The following NR1H4 variants were observed in gnomAD, a reference collection of about 807,000 sequenced individuals.
The protein encoded by NR1H4 is nuclear receptor subfamily 1 group H member 4, also known as bile acid receptor.
A neutral mutation model predicts 58.5 loss-of-function variants in NR1H4; 23 were observed. The observed-to-expected ratio is 0.39, with a 90% CI of 0.28 to 0.56. NR1H4 has a LOEUF of 0.56. Among genes scored for constraint, NR1H4 ranks in the 20% least tolerant of loss-of-function variants. The pLI, the probability that NR1H4 is intolerant of heterozygous loss-of-function variation, is 0.58. For missense variants in NR1H4, 487 were observed against 576.9 expected (o/e 0.84, Z 1.60); for synonymous variants, 214 against 198.0 (o/e 1.08, Z -0.68).
chr12:100,480,690 AC>A (rs1953360522), intron 1 of NR1H4, among the ~76,000 whole-genome samples: 1 of 152,150 alleles, frequency 6.6e-6, no homozygotes, highest in Non-Finnish European at 1.5e-5. Context: ...TGATTTCTAT[AC>A]CAGTCATTTA....
chr12:100,513,148 C>T (rs1471628694), intron 4 of NR1H4, among the ~76,000 whole-genome samples: 4 of 152,124 alleles, frequency 2.6e-5, no homozygotes, highest in East Asian at 3.8e-4. Context: ...CTTATACATT[C>T]GTTGGAAGCA....
At chr12:100,501,996 T>C (rs1264241443) in intron 3 of NR1H4, among the ~76,000 whole-genome samples, 4 of 152,216 alleles carry the variant, frequency 2.6e-5, no homozygotes. Context: ...GGATAAAATA[T>C]AGAATTATTC....
chr12:100,533,885 G>A (rs1954750674), intron 5 of NR1H4, among the ~76,000 whole-genome samples: 1 of 149,084 alleles, frequency 6.7e-6, no homozygotes. Flanking sequence ...ATTTTTAATA[G>A]CTCTCTTTTT....
intron 9 of NR1H4, among the ~76,000 whole-genome samples, chr12:100,557,695 T>A (rs1157776403): frequency 2.0e-5 from 3 of 152,234 alleles, no homozygotes; most frequent in African/African-American, 7.2e-5. Flanking sequence ...GTATTTGATT[T>A]TCTGCTTCTG....
chr12:100,508,124 T>G (rs1050791681), intron 3 of NR1H4, among the ~76,000 whole-genome samples: 2 of 151,966 alleles, frequency 1.3e-5, no homozygotes, highest in African/African-American at 2.4e-5. Flanking sequence ...AGAAACCTCT[T>G]CTGTTGGGAA....
intron 9 of NR1H4, among the ~76,000 whole-genome samples, chr12:100,553,147 T>C (rs575125015): frequency 1.8e-4 from 28 of 152,238 alleles, no homozygotes; most frequent in South Asian, 1.2e-3. Context: ...TACAGGCGCG[T>C]GCCACCACAC....
intron 1 of NR1H4, among the ~76,000 whole-genome samples, chr12:100,476,145 G>A (rs1221595295): frequency 6.6e-6 from 1 of 152,140 alleles, no homozygotes; most frequent in African/African-American, 2.4e-5. Context: ...ACTTGAGGGC[G>A]GGTCTTTCTG....
At chr12:100,502,545 C>T (rs1953858892) in intron 3 of NR1H4, among the ~76,000 whole-genome samples, 1 of 152,036 alleles carries the variant, frequency 6.6e-6, no homozygotes, top group African/African-American at 2.4e-5. Context: ...ATTGGATCTT[C>T]ATTTTAATTT....
chr12:100,492,827 A>C (rs564663227), intron 2 of NR1H4, among the ~76,000 whole-genome samples, 190 bp downstream of exon 2: 10 of 152,324 alleles, frequency 6.6e-5, no homozygotes, highest in Non-Finnish European at 1.5e-4. Flanking sequence ...AAATTCCAGT[A>C]GGAAGTGGCT....
chr12:100,500,299 A>G (rs918293954), intron 3 of NR1H4, among the ~76,000 whole-genome samples: 3 of 152,044 alleles, frequency 2.0e-5, no homozygotes, highest in Non-Finnish European at 4.4e-5. Flanking sequence ...GCCAACATTT[A>G]CTCTAGGACC....
At chr12:100,489,539 T>G (rs899940444) in intron 1 of NR1H4, among the ~76,000 whole-genome samples, 1 of 152,196 alleles carries the variant, frequency 6.6e-6, no homozygotes, top group Non-Finnish European at 1.5e-5. Context: ...CTTCTTTTGT[T>G]TTTTTTAACC....
chr12:100,520,296 T>C (rs1954381863), intron 4 of NR1H4, among the ~76,000 whole-genome samples: 1 of 152,110 alleles, frequency 6.6e-6, no homozygotes, highest in Non-Finnish European at 1.5e-5. Context: ...ATAAACAAGT[T>C]ACTTAATATT....
At position 100,564,264 on chromosome 12, in the gene NR1H4, CT is replaced by C. The variant is rs1241267332; in HGVS notation, c.*779del. 6.6e-6 allele frequency: 1 copy of C among 152,104 alleles called. No homozygotes were observed. Among genetic ancestry groups the C allele is most frequent in the Non-Finnish European group, 1.5e-5 (1 of 68,032 alleles). The allele number at this position is 152,104 out of a possible 1,614,324, so 9.4% of individuals were successfully genotyped here. A position where few individuals can be genotyped will look rare whatever the true frequency, so the allele number is the denominator to read the frequency against. On this transcript the variant is annotated 3_prime_UTR_variant, in exon 11 of 11. Transcript: ENST00000392986. ...CCAATCATCTTTCTGTTTTGTTTTGCTTTTGAAAACATTCCTACAGCTGGGA... is the reference window on the plus strand; with the variant it reads ...CCAATCATCTTTCTGTTTTGTTTTGCTTTGAAAACATTCCTACAGCTGGGA...
Position 100,545,666 on chromosome 12 carries a change from A to AC in NR1H4, c.1078+4848_1078+4849insC, listed in dbSNP as rs1311587798. Among the ~76,000 whole-genome samples, 575 of 145,652 alleles carry AC rather than the reference A, an allele frequency of 3.9e-3. 71 individuals are homozygous for AC. Among genetic ancestry groups the AC allele is most frequent in the Non-Finnish European group, 6.2e-3 (415 of 66,824 alleles). On this transcript the variant is annotated intron_variant, in intron 9 of 10. Coordinates refer to ENST00000392986, the MANE Select transcript of NR1H4 (RefSeq NM_001206979.2). ...CAAAAAAAAAAAAAAAAAAAAAAAA[A>AC]AAACCAAACGGGGGGCATATATGCG...
intron 5 of NR1H4, among the ~76,000 whole-genome samples, chr12:100,532,851 G>A (rs1315091825): frequency 6.6e-6 from 1 of 152,132 alleles, no homozygotes; most frequent in African/African-American, 2.4e-5. Context: ...TATACATGGA[G>A]CCCAGTGGCA....
chr12:100,504,528 G>T (rs1055283315), intron 3 of NR1H4, among the ~76,000 whole-genome samples: 28 of 152,182 alleles, frequency 1.8e-4, no homozygotes, highest in African/African-American at 6.8e-4. Flanking sequence ...ATAAAGAAAA[G>T]AATATAGTCT....
At chr12:100,505,486 C>T (rs1478545887) in intron 3 of NR1H4, 3 of 649,156 alleles carry the variant, frequency 4.6e-6, no homozygotes, top group Non-Finnish European at 8.3e-6. Flanking sequence ...CTTCTATCAC[C>T]TCAGAAAGCT....
chr12:100,498,936 T>C (rs1342185306), intron 3 of NR1H4, among the ~76,000 whole-genome samples: 1 of 152,154 alleles, frequency 6.6e-6, no homozygotes, highest in Non-Finnish European at 1.5e-5. Flanking sequence ...ATTTCTTTAT[T>C]TTTATTTTTA....
intron 5 of NR1H4, 46 bp downstream of exon 5, chr12:100,532,656 G>T: frequency 1.9e-6 from 3 of 1,570,120 alleles, no homozygotes; most frequent in Non-Finnish European, 2.6e-6. Flanking sequence ...CTCTTAAGGA[G>T]GCAGATGTCA....
Sources: gnomAD v4.1 joint callset for allele counts (sites outside exome capture counted in the v4.1 genomes callset) on GRCh38, gnomAD v4.1.1 for gene constraint, MANE v1.5 for transcripts, NCBI Gene and HGNC (gene_info 2026-07-23, HGNC 2026-07-21) for gene names.